MAPK8IP3: variants seen among roughly 807,000 people sequenced by gnomAD.
The protein encoded by MAPK8IP3 is mitogen-activated protein kinase 8 interacting protein 3.
A neutral mutation model predicts 157.8 loss-of-function variants in MAPK8IP3; 49 were observed. The ratio of observed to expected loss-of-function variants is 0.31; its 90% CI spans 0.25 to 0.39. MAPK8IP3 has a LOEUF of 0.39. Among genes scored for constraint, MAPK8IP3 ranks in the 10% least tolerant of loss-of-function variants. The probability of loss-of-function intolerance (pLI) is 1.00; values close to 1 mark genes in which losing one functional copy is unlikely to be tolerated. For synonymous variants in MAPK8IP3, 897 were observed against 777.7 expected (o/e 1.15, Z -2.55); for missense variants, 1,478 against 1,889.4 (o/e 0.78, Z 4.04).
Position 1,766,184 on chromosome 16 carries a change from T to A in MAPK8IP3, c.2630-36T>A, listed in dbSNP as rs748627586. On this transcript the variant is annotated intron_variant, in intron 21 of 31. Coordinates refer to ENST00000610761, the MANE Select transcript of MAPK8IP3 (RefSeq NM_001318852.2). ...TTTCCCCCATCCCCTCATTCCCACG[T>A]TTCTGCCCAGCCCAAGCTCACCTCT... is the stretch of plus-strand genomic sequence containing the variant. 14 of 1,602,338 alleles carry A rather than the reference T, an allele frequency of 8.7e-6. No homozygotes were observed. The East Asian group carries it at 3.1e-4, about 36-fold the overall frequency.
At chr16:1,732,816 C>T (rs1000060130) in intron 4 of MAPK8IP3, among the ~76,000 whole-genome samples, 5 of 152,008 alleles carry the variant, frequency 3.3e-5, no homozygotes, top group Non-Finnish European at 7.4e-5. Flanking sequence ...ATGAGAACTA[C>T]GCCAGGGCGT....
In MAPK8IP3 at chr16:1,768,234, C is replaced by T. The variant is rs775007768; in HGVS notation, c.3598C>T (p.Arg1200Cys). ...ATCCCCCACCTCTGGGGAGGGCGCCCGTCCCGGGGGCATCATCCACGTGTA... is the reference window on the plus strand; with the variant it reads ...ATCCCCCACCTCTGGGGAGGGCGCCTGTCCCGGGGGCATCATCCACGTGTA... ...KTSPTSGEGA[R>C]PGGIIHVYGD... Residue 1200 changes from arginine to cysteine, a missense_variant, in exon 30 of 32, where the codon CGT becomes TGT. Arg to Cys is a radical substitution (Grantham distance 180). Around this residue, in one of 11 missense-constraint regions of MAPK8IP3, gnomAD observed 83 missense variants for 85.3 expected, o/e 0.97. Transcript: ENST00000610761. 5.2e-5 allele frequency: 84 copies of T among 1,612,472 alleles called. No homozygotes were observed. Among genetic ancestry groups the T allele is most frequent in the East Asian group, 2.0e-4 (9 of 44,874 alleles).
Position 1,758,974 on chromosome 16 carries a change from C to T in MAPK8IP3, c.1229-4C>T, listed in dbSNP as rs778986202. The T allele has an allele frequency of 5.0e-6, 8 of 1,614,058 alleles. No homozygotes were observed. Among genetic ancestry groups the T allele is most frequent in the East Asian group, 2.2e-5 (1 of 44,890 alleles). ...TCTCCTGTGGGACGGGGACGGCTCC[C>T]TAGTGCGCGATGATTTCTTTGGTAA... On this transcript the variant is annotated splice_polypyrimidine_tract_variant and splice_region_variant and intron_variant, in intron 9 of 31. Transcript: ENST00000610761.
intron 4 of MAPK8IP3, among the ~76,000 whole-genome samples, chr16:1,732,327 G>C (rs1406017410): frequency 1.3e-5 from 2 of 152,240 alleles, no homozygotes; most frequent in African/African-American, 4.8e-5. Flanking sequence ...GGCCTGGCCA[G>C]CTGCGAAAGC....
intron 5 of MAPK8IP3, chr16:1,744,728 G>A: frequency 2.0e-6 from 2 of 985,500 alleles, no homozygotes; most frequent in African/African-American, 1.7e-5. Context: ...CCCGCTCTGG[G>A]CCCGCTCTTC....
intron 4 of MAPK8IP3, among the ~76,000 whole-genome samples, chr16:1,738,207 TGTGTGACCATCCGTGTGA>T: frequency 1.1e-5 from 1 of 92,036 alleles, no homozygotes; most frequent in African/African-American, 4.8e-5. Flanking sequence ...ACCGTCCGTG[TGTGTGACCATCCGTGTGA>T]GAGTGTGACC....
At chr16:1,740,114 G>A (rs534712493) in intron 4 of MAPK8IP3, among the ~76,000 whole-genome samples, 1,569 of 131,348 alleles carry the variant, frequency 0.012, 22 homozygotes, top group Middle Eastern at 0.03. Flanking sequence ...CCCTGTGACC[G>A]TCCGTGTGAG....
intron 6 of MAPK8IP3, 90 bp from the exon 7 acceptor site, chr16:1,748,154 C>T (rs2141866241): frequency 1.0e-6 from 1 of 952,626 alleles, no homozygotes. Context: ...AGCTCCAGCC[C>T]ACCAGACTCA....
rs1218572374 is a variant in MAPK8IP3, at chr16:1,710,578, A to C, written c.318+3921A>C. ...AACAAACACCATAATCCCGCTCTAC[A>C]GAGATGATCAGTCTGCCATTTTTCC... is the stretch of plus-strand genomic sequence containing the variant. On this transcript the variant is annotated intron_variant, in intron 1 of 31. Coordinates refer to ENST00000610761, the MANE Select transcript of MAPK8IP3 (RefSeq NM_001318852.2). The surrounding 1 kb of genome is among the most constrained non-coding windows in gnomAD (Gnocchi z 4.1). 1.3e-5 allele frequency among the ~76,000 whole-genome samples: 2 copies of C among 152,214 alleles called. No individual in the cohort carries two copies. The highest frequency in any genetic ancestry group is 2.9e-5 in the Non-Finnish European group (2 of 68,038).
rs2042395241 is a variant in MAPK8IP3, at chr16:1,768,252, C to T, written c.3616C>T (p.His1206Tyr). The T allele has an allele frequency of 6.2e-7, 1 of 1,612,424 alleles. No individual in the cohort carries two copies. Residue 1206 changes from histidine (H) to tyrosine (Y), a missense_variant, in exon 30 of 32, where the codon CAC becomes TAC. This residue lies in a region of MAPK8IP3 where 83 missense variants were observed against 85.3 expected (regional missense o/e 0.97). Transcript: ENST00000610761. ...GGGCGCCCGTCCCGGGGGCATCATC[C>T]ACGTGTATGGCGATGACAGCAGTGA... ...GEGARPGGII[H>Y]VYGDDSSDRA...
At chr16:1,707,503 G>GAA (rs2037478234) in intron 1 of MAPK8IP3, 1 of 152,264 alleles carries the variant, frequency 6.6e-6, no homozygotes, top group African/African-American at 2.4e-5. Context: ...CCATAACCTG[G>GAA]AAATCGCTTG....
In MAPK8IP3 at chr16:1,767,545, G is replaced by A. The variant is rs2042344555; in HGVS notation, c.3238-19G>A. 1 of 1,606,754 alleles carries A rather than the reference G, an allele frequency of 6.2e-7. No homozygotes were observed. The highest frequency in any genetic ancestry group is 8.5e-7 in the Non-Finnish European group (1 of 1,176,178). ...TCTCCTCTCCCCAGCCCTGTTGATG[G>A]GCAGCCATGACTCCACAGAAGTCAT... On this transcript the variant is annotated intron_variant, in intron 26 of 31. Coordinates refer to ENST00000610761, the MANE Select transcript of MAPK8IP3 (RefSeq NM_001318852.2).
At chr16:1,730,006 C>T (rs769732484) in intron 4 of MAPK8IP3, among the ~76,000 whole-genome samples, 1 of 124,688 alleles carries the variant, frequency 8.0e-6, no homozygotes, top group Non-Finnish European at 1.6e-5. Context: ...CCCAGGAGTT[C>T]GAGCTCAGCT....
rs1031431782 is a variant in MAPK8IP3 at position 1,762,570 on chromosome 16, G to T, written c.1670+89G>T. ...CCTCCTCTGCACCTCCCTGTCTTCT[G>T]GGGGGACTGAAGTGCGCTGGGTGCT... On this transcript the variant is annotated intron_variant, in intron 14 of 31. Coordinates refer to ENST00000610761, the MANE Select transcript of MAPK8IP3 (RefSeq NM_001318852.2). 9.5e-6 allele frequency: 15 copies of T among 1,576,030 alleles called. No homozygotes were observed. In the Admixed American group the frequency reaches 1.2e-4, roughly 13 times the overall value.
chr16:1,756,860 A>C (rs1228666116), intron 8 of MAPK8IP3, among the ~76,000 whole-genome samples: 1 of 152,106 alleles, frequency 6.6e-6, no homozygotes, highest in African/African-American at 2.4e-5. Flanking sequence ...TCAGCACAGG[A>C]AAGTCCCATA....
Position 1,759,977 on chromosome 16 carries a change from G to A in MAPK8IP3, c.1266G>A (p.Gly422=), listed in dbSNP as rs2041841235. The A allele has an allele frequency of 3.7e-6, 6 of 1,614,206 alleles. No homozygotes were observed. Among genetic ancestry groups the A allele is most frequent in the Non-Finnish European group, 5.1e-6 (6 of 1,180,024 alleles). The change falls in exon 11 of 32, where the codon GGG becomes GGA. Residue 422 remains glycine (G), a synonymous_variant. Coordinates refer to ENST00000610761, the MANE Select transcript of MAPK8IP3 (RefSeq NM_001318852.2). Reference sequence around the variant, plus strand: ...TTTCAGGAATGGGCAAAGAAGTGGGGAATCTGCTACTGGAAAACTCACAGC... The same window carrying A: ...TTTCAGGAATGGGCAAAGAAGTGGGAAATCTGCTACTGGAAAACTCACAGC... ...DDFFGMGKEV[G]NLLLENSQLL...
At chr16:1,759,868 T>C (rs1596763759) in intron 10 of MAPK8IP3, 90 bp from the exon 11 acceptor site, 1 of 1,159,880 alleles carries the variant, frequency 8.6e-7, no homozygotes, top group Non-Finnish European at 1.3e-6. Context: ...GCTACCCTCT[T>C]TGGAAGCGTT....
intron 5 of MAPK8IP3, chr16:1,746,748 T>C (rs898289351): frequency 4.2e-6 from 2 of 472,274 alleles, no homozygotes; most frequent in African/African-American, 3.9e-5. Context: ...CAAGCAATCG[T>C]CTGGGGAGGG....
At chr16:1,763,988 C>A in intron 17 of MAPK8IP3, 127 bp from the exon 18 acceptor site, 1 of 1,096,418 alleles carries the variant, frequency 9.1e-7, no homozygotes, top group Non-Finnish European at 1.3e-6. Context: ...GGCTCCCACG[C>A]CCCCACCTGC....
Sources: gnomAD v4.1 joint callset for allele counts (sites outside exome capture counted in the v4.1 genomes callset) on GRCh38, gnomAD v4.1.1 for gene constraint, gnomAD v4.1.1 regional missense constraint, Gnocchi (gnomAD v3.1) non-coding constraint, MANE v1.5 for transcripts, NCBI Gene and HGNC (gene_info 2026-07-23, HGNC 2026-07-21) for gene names.